The following LMBR1 variants were observed in gnomAD, a reference collection of about 807,000 sequenced individuals.
LMBR1 encodes the protein limb development membrane protein 1.
A neutral mutation model predicts 73.9 loss-of-function variants in LMBR1; 52 were observed. That is an observed-to-expected ratio of 0.70 (90% CI 0.56 to 0.89). The LOEUF is 0.89. LMBR1 is among the 40% of genes least tolerant of loss of function. LMBR1 has a pLI of 0.00. For missense variants in LMBR1, 539 were observed against 579.8 expected (o/e 0.93, Z 0.72); for synonymous variants, 215 against 209.4 (o/e 1.03, Z -0.23).
At chr7:156,884,857 G>A (rs1801629312) in intron 1 of LMBR1, among the ~76,000 whole-genome samples, 1 of 152,214 alleles carries the variant, frequency 6.6e-6, no homozygotes, top group Admixed American at 6.5e-5. Context: ...CTATTCCCAA[G>A]TGGGAAGGAC....
At chr7:156,676,205 C>T (rs1803962170), downstream of LMBR1, 2 of 1,461,964 alleles carry the variant, frequency 1.4e-6, no homozygotes, top group South Asian at 1.3e-5. Flanking sequence ...GGTTACTAAC[C>T]CTTTCCACAG....
chr7:156,777,457 CA>C (rs2133140276), intron 5 of LMBR1, among the ~76,000 whole-genome samples: 1 of 152,230 alleles, frequency 6.6e-6, no homozygotes, highest in African/African-American at 2.4e-5. Context: ...TCCTGTGGCC[CA>C]ATCTCAGATG....
At chr7:156,730,463 C>T (rs972336589) in intron 10 of LMBR1, among the ~76,000 whole-genome samples, 4 of 152,166 alleles carry the variant, frequency 2.6e-5, no homozygotes, top group African/African-American at 7.2e-5. Context: ...ATGGACCGGT[C>T]GTCATAAAGA....
At chr7:156,869,142 C>A (rs543417331) in intron 1 of LMBR1, among the ~76,000 whole-genome samples, 2 of 152,182 alleles carry the variant, frequency 1.3e-5, no homozygotes, top group Admixed American at 1.3e-4. Flanking sequence ...AAGATAAATT[C>A]TGAACATCAG....
At chr7:156,759,777 T>C (rs1226759260) in intron 8 of LMBR1, among the ~76,000 whole-genome samples, 1 of 151,038 alleles carries the variant, frequency 6.6e-6, no homozygotes, top group Non-Finnish European at 1.5e-5. Context: ...AGGGTGCGAC[T>C]GGCAAATGGA....
At chr7:156,749,280 T>A (rs1278077338) in intron 9 of LMBR1, among the ~76,000 whole-genome samples, 1 of 141,808 alleles carries the variant, frequency 7.1e-6, no homozygotes, top group Non-Finnish European at 1.5e-5. Flanking sequence ...CTTCCATATA[T>A]CAAGTGTGTT....
chr7:156,839,250 T>C (rs918532518), intron 1 of LMBR1, among the ~76,000 whole-genome samples: 8 of 152,140 alleles, frequency 5.3e-5, no homozygotes, highest in Middle Eastern at 3.4e-3. Context: ...GGTTTCACCA[T>C]GTTGGTCAGG....
rs1041203049 is a variant in LMBR1, at chr7:156,679,952, G to T, written c.*4126C>A. 6.6e-6 allele frequency: 1 copy of T among 152,118 alleles called. No individual in the cohort carries two copies. Among genetic ancestry groups the T allele is most frequent in the African/African-American group, 2.4e-5 (1 of 41,410 alleles). The allele number at this position is 152,118 out of a possible 1,614,324, so 9.4% of individuals were successfully genotyped here. A position where few individuals can be genotyped will look rare whatever the true frequency, so the allele number is the denominator to read the frequency against. ...AAGTTAAATAACTTCTCTTGAAAAG[G>T]TAAGTTTATTGCCTAATATTCCTTC... On this transcript the variant is annotated 3_prime_UTR_variant, in exon 17 of 17. Transcript: ENST00000353442.
chr7:156,816,868 A>G (rs1479849967), intron 4 of LMBR1, among the ~76,000 whole-genome samples: 1 of 152,148 alleles, frequency 6.6e-6, no homozygotes, highest in Non-Finnish European at 1.5e-5. Context: ...AATCATTCTT[A>G]AAAATTACTG....
intron 4 of LMBR1, among the ~76,000 whole-genome samples, chr7:156,810,267 C>T (rs1284299641): frequency 1.3e-5 from 2 of 152,048 alleles, no homozygotes; most frequent in East Asian, 3.9e-4. Flanking sequence ...TTTTTAACAA[C>T]CAGCTCTTAT....
chr7:156,840,361 A>C (rs953706315), intron 1 of LMBR1, among the ~76,000 whole-genome samples: 2 of 151,774 alleles, frequency 1.3e-5, no homozygotes, highest in Non-Finnish European at 2.9e-5. Context: ...CTGAGGAAAG[A>C]GTTGTGGGAC....
In LMBR1 at chr7:156,763,782, C is replaced by T. The variant is rs754181857; in HGVS notation, c.437G>A (p.Arg146His). 6.3e-6 allele frequency: 10 copies of T among 1,593,106 alleles called. No homozygotes were observed. Among genetic ancestry groups the T allele is most frequent in the South Asian group, 1.2e-5 (1 of 86,710 alleles). The change falls in exon 6 of 17, where the codon CGC becomes CAC. Residue 146 changes from arginine (R) to histidine (H), a missense_variant. Physicochemically the swap from Arg to His is conservative, Grantham distance 29. Transcript: ENST00000353442. ...AAGCATGACCAAAGTCTCTAAAATGCGGGCTCGGATTCCCTGAAAAATAGA... is the reference window on the plus strand; with the variant it reads ...AAGCATGACCAAAGTCTCTAAAATGTGGGCTCGGATTCCCTGAAAAATAGA... ...FAGLKKGIRA[R>H]ILETLVMLLL...
At chr7:156,791,313 T>C (rs1174699485) in intron 5 of LMBR1, among the ~76,000 whole-genome samples, 1 of 152,140 alleles carries the variant, frequency 6.6e-6, no homozygotes, top group Non-Finnish European at 1.5e-5. Flanking sequence ...CAACAATTTA[T>C]GGATCATCAG....
intron 1 of LMBR1, among the ~76,000 whole-genome samples, chr7:156,868,734 C>G (rs564952843): frequency 1.3e-5 from 2 of 151,610 alleles, no homozygotes; most frequent in Non-Finnish European, 2.9e-5. Flanking sequence ...GGGAAGCCAA[C>G]GTGGGCAGAT....
intron 5 of LMBR1, among the ~76,000 whole-genome samples, chr7:156,766,775 G>C (rs1024151360): frequency 2.6e-5 from 4 of 152,116 alleles, no homozygotes; most frequent in Non-Finnish European, 4.4e-5. Flanking sequence ...TAAGCAGTGA[G>C]GCTGAGCCCA....
At chr7:156,867,787 G>A (rs1016445093) in intron 1 of LMBR1, among the ~76,000 whole-genome samples, 1 of 152,190 alleles carries the variant, frequency 6.6e-6, no homozygotes, top group African/African-American at 2.4e-5. Flanking sequence ...GGGTGCAACA[G>A]GGGATGACTG....
intron 15 of LMBR1, among the ~76,000 whole-genome samples, chr7:156,696,830 T>G (rs1019021511): frequency 6.6e-6 from 1 of 152,204 alleles, no homozygotes; most frequent in African/African-American, 2.4e-5. Flanking sequence ...AAACCAATTA[T>G]GCCTTCCCAA....
intron 1 of LMBR1, among the ~76,000 whole-genome samples, chr7:156,867,860 GGCTGTCCAAGTCTGTGGATAT>G (rs1362424630): frequency 6.6e-6 from 1 of 152,242 alleles, no homozygotes; most frequent in East Asian, 1.9e-4. Flanking sequence ...CAGTGGTGAT[GGCTGTCCAAGTCTGTGGATAT>G]GCTAAAAACT....
chr7:156,798,800 G>T (rs1830458460), intron 4 of LMBR1, among the ~76,000 whole-genome samples: 1 of 152,082 alleles, frequency 6.6e-6, no homozygotes, highest in South Asian at 2.1e-4. Context: ...TTTGTGTTAT[G>T]AAAGATAAAG....
Sources: allele counts gnomAD v4.1 joint callset (sites outside exome capture counted in the v4.1 genomes callset), GRCh38; gene constraint gnomAD v4.1.1; transcripts MANE v1.5; gene names NCBI Gene and HGNC (gene_info 2026-07-23, HGNC 2026-07-21).